The following GNL2 variants were observed in gnomAD, a reference collection of about 807,000 sequenced individuals.
GNL2 encodes the protein G protein nucleolar 2, also known as nucleolar GTP-binding protein 2.
GNL2 carries 51 observed loss-of-function variants against 92.3 expected under a neutral mutation model. The observed-to-expected ratio is 0.55, with a 90% CI of 0.44 to 0.70. The LOEUF (loss-of-function observed/expected upper bound fraction) is 0.70. Ranked by LOEUF, GNL2 falls within the 30% of genes least tolerant of loss-of-function variation. The pLI is 0.00. For synonymous variants in GNL2, 283 were observed against 300.6 expected (o/e 0.94, Z 0.61); for missense variants, 844 against 895.6 (o/e 0.94, Z 0.74).
rs1643650939 is a variant in GNL2 at position 37,574,756 on chromosome 1, T to C, written c.1211A>G (p.Glu404Gly). 1 of 1,613,876 alleles carries C rather than the reference T, an allele frequency of 6.2e-7. No individual in the cohort carries two copies. The highest frequency in any genetic ancestry group is 8.5e-7 in the Non-Finnish European group (1 of 1,179,716). Residue 404 changes from glutamate (E) to glycine (G), a missense_variant, in exon 11 of 16, where the codon GAA becomes GGA. By Grantham distance (98) the Glu-to-Gly change is moderately conservative (BLOSUM62 -2). Transcript: ENST00000373062. ...AATCTTGTATGTTTTGCTGATATAT[T>C]CTGGCTTTGCTCGTTCAAGTACAGC... ...IGAVLERAKP[E>G]YISKTYKIDS...
intron 5 of GNL2, among the ~76,000 whole-genome samples, chr1:37,584,461 TA>T (rs377282004): frequency 2.7e-3 from 312 of 115,232 alleles, no homozygotes; most frequent in African/African-American, 8.2e-3. Context: ...AATAATTAAT[TA>T]AAAAAAAAAA....
intron 12 of GNL2, chr1:37,570,519 G>A (rs6663483): frequency 0.4 from 59,739 of 147,974 alleles, 12,995 homozygotes; most frequent in East Asian, 0.58. Context: ...AACAGAGCAA[G>A]ACTCCGTCTC....
In GNL2 at chr1:37,566,924, C is replaced by T; in HGVS notation, c.2127G>A (p.Arg709=). The T allele has an allele frequency of 6.2e-7, 1 of 1,613,938 alleles. No individual in the cohort carries two copies. The highest frequency in any genetic ancestry group is 8.5e-7 in the Non-Finnish European group (1 of 1,179,894). ...CTGAGTCATTGGTCTTCTTTTTGTT[C>T]CTGTTCCTATTTTTCACGTTGTGTG... is the stretch of plus-strand genomic sequence containing the variant. ...YETHNVKNRN[R]NKKKTNDSEG... The change falls in exon 16 of 16, where the codon AGG becomes AGA. Residue 709 remains arginine, a synonymous_variant. Transcript: ENST00000373062.
At chr1:37,589,065 T>C (rs982524925) in intron 4 of GNL2, among the ~76,000 whole-genome samples, 1 of 152,210 alleles carries the variant, frequency 6.6e-6, no homozygotes, top group African/African-American at 2.4e-5. Flanking sequence ...CAGGATTCAA[T>C]AGTTGCTTAA....
chr1:37,569,445 T>C (rs765767469), intron 12 of GNL2, 143 bp from the exon 13 acceptor site: 4 of 612,396 alleles, frequency 6.5e-6, no homozygotes, highest in African/African-American at 1.9e-5. Context: ...GTCATTTCAT[T>C]AATGTATTTT....
Position 37,593,805 on chromosome 1 carries a change from C to T in GNL2, c.106G>A (p.Ala36Thr). The change falls in exon 2 of 16, where the codon GCC (alanine) becomes ACC (threonine). Residue 36 changes from alanine (A) to threonine (T), a missense_variant. Ala to Thr is a moderately conservative substitution (Grantham distance 58, BLOSUM62 0). Transcript: ENST00000373062. ...GAGGQNMRDR[A>T]TIRRLNMYRQ... ...TACATATTCAGGCGCCGGATGGTGG[C>T]CCGGTCCCTCATGTTTTGGCCTCCT... 4 of 1,614,024 alleles carry T rather than the reference C, an allele frequency of 2.5e-6. No homozygotes were observed. The highest frequency in any genetic ancestry group is 1.1e-5 in the South Asian group (1 of 91,066).
Position 37,592,700 on chromosome 1 carries a change from G to C in GNL2, c.244+12C>G, listed in dbSNP as rs1008763948. The C allele has an allele frequency of 2.1e-6, 3 of 1,422,390 alleles. No individual in the cohort carries two copies. The highest frequency in any genetic ancestry group is 3.0e-6 in the Non-Finnish European group (3 of 1,005,614). The allele number at this position is 1,422,390 out of a possible 1,614,324, so 88.1% of individuals were successfully genotyped here. On this transcript the variant is annotated intron_variant, in intron 3 of 15. Transcript: ENST00000373062. ...TATTTTGTAGAGCAAAGTAACAGGG[G>C]ATAATACTCACCAAACCATTTAATA... is the stretch of plus-strand genomic sequence containing the variant.
intron 8 of GNL2, among the ~76,000 whole-genome samples, chr1:37,580,924 C>T (rs1175814536): frequency 6.6e-6 from 1 of 152,214 alleles, no homozygotes; most frequent in Non-Finnish European, 1.5e-5. Context: ...GACTACTCTT[C>T]CCAGCCTGTT....
rs1232229057 is a variant in GNL2 at position 37,590,835 on chromosome 1, AC to A, written c.254del (p.Arg85LeufsTer2). 5 of 1,578,058 alleles carry A rather than the reference AC, an allele frequency of 3.2e-6. No individual in the cohort carries two copies. Among genetic ancestry groups the A allele is most frequent in the Non-Finnish European group, 4.3e-6 (5 of 1,162,446 alleles). ...TTTGTAATGATGACTGCTTAATCAC[AC>A]GTGTGTTTCCTGTTTTACAAATAAA... ...EPNIKWFGNT[R>X]VIKQSSLQKF... is the part of the protein sequence containing the mutation. On this transcript the variant is annotated frameshift_variant, in exon 4 of 16. Coordinates refer to ENST00000373062, the MANE Select transcript of GNL2 (RefSeq NM_013285.3). LOFTEE classifies it high-confidence loss of function.
chr1:37,568,742 GA>G, intron 13 of GNL2, 108 bp downstream of exon 13: 1 of 806,848 alleles, frequency 1.2e-6, no homozygotes, highest in South Asian at 1.7e-5. Context: ...AAACCCAACC[GA>G]ACAAACAAAT....
chr1:37,590,005 T>C (rs1643878634), intron 4 of GNL2, among the ~76,000 whole-genome samples: 1 of 152,226 alleles, frequency 6.6e-6, no homozygotes, highest in Non-Finnish European at 1.5e-5. Context: ...ATAGCTGTTA[T>C]CAATTTAGCT....
intron 1 of GNL2, chr1:37,594,076 A>G: frequency 2.0e-6 from 1 of 507,936 alleles, no homozygotes; most frequent in East Asian, 3.3e-5. Context: ...TGAGAAGAAT[A>G]GCTAATATTT....
chr1:37,593,148 C>T (rs192833085), intron 2 of GNL2, among the ~76,000 whole-genome samples: 2 of 152,018 alleles, frequency 1.3e-5, no homozygotes, highest in African/African-American at 4.8e-5. Flanking sequence ...GAATTTTTCA[C>T]GTAGAGGGTG....
At chr1:37,587,260 C>T in intron 5 of GNL2, 51 bp downstream of exon 5, 1 of 1,306,742 alleles carries the variant, frequency 7.7e-7, no homozygotes, top group Non-Finnish European at 1.1e-6. Flanking sequence ...AAGCAAGACT[C>T]CATCTCAAAA....
intron 12 of GNL2, 148 bp from the exon 13 acceptor site, chr1:37,569,450 T>C (rs1643562409): frequency 1.6e-6 from 1 of 610,950 alleles, no homozygotes; most frequent in Non-Finnish European, 2.9e-6. Flanking sequence ...TTCATTAATG[T>C]ATTTTTAAAC....
chr1:37,593,103 GT>G (rs1250261676), intron 2 of GNL2, among the ~76,000 whole-genome samples: 1 of 152,088 alleles, frequency 6.6e-6, no homozygotes, highest in African/African-American at 2.4e-5. Context: ...ACATACTTGA[GT>G]TTTTTGGGTA....
intron 2 of GNL2, 117 bp from the exon 3 acceptor site, chr1:37,592,923 T>G: frequency 3.0e-6 from 2 of 658,652 alleles, no homozygotes; most frequent in Non-Finnish European, 5.5e-6. Context: ...TAAATGATCA[T>G]GAAATACCAA....
Position 37,574,347 on chromosome 1 carries a change from GGGGCCACAAGT to G in GNL2, c.1401_1411del (p.Leu468ProfsTer29). ...GTGGGCCCACCCTGCTCTTACCTGG[GGGGCCACAAGT>G]GGCTCTGCATTGGGTGGCTTGACAA... On this transcript the variant is annotated frameshift_variant, in exon 12 of 16. Transcript: ENST00000373062. LOFTEE classifies it high-confidence loss of function. The G allele has an allele frequency of 1.9e-6, 3 of 1,611,692 alleles. No individual in the cohort carries two copies. Among genetic ancestry groups the G allele is most frequent in the Non-Finnish European group, 2.5e-6 (3 of 1,178,090 alleles).
intron 8 of GNL2, among the ~76,000 whole-genome samples, chr1:37,578,374 G>A (rs1643710794): frequency 6.6e-6 from 1 of 150,794 alleles, no homozygotes; most frequent in South Asian, 2.1e-4. Context: ...AGGAGGCGGA[G>A]ATTGCAGTGA....
Sources: gnomAD v4.1 joint callset for allele counts (sites outside exome capture counted in the v4.1 genomes callset) on GRCh38, gnomAD v4.1.1 for gene constraint, MANE v1.5 for transcripts, NCBI Gene and HGNC (gene_info 2026-07-23, HGNC 2026-07-21) for gene names.